Variants in EPB41L1 observed in about 807,000 individuals in gnomAD.
EPB41L1 encodes the protein erythrocyte membrane protein band 4.1 like 1.
EPB41L1 carries 29 observed loss-of-function variants against 97.8 expected under a neutral mutation model. That is an observed-to-expected ratio of 0.30 (90% CI 0.22 to 0.40). The LOEUF is 0.40. Ranked by LOEUF, EPB41L1 falls within the 10% of genes least tolerant of loss-of-function variation. EPB41L1 has a pLI of 1.00. For synonymous variants in EPB41L1, 383 were observed against 459.2 expected (o/e 0.83, Z 2.12); for missense variants, 812 against 1,162.3 (o/e 0.70, Z 4.38).
chr20:36,177,750 A>G (rs1288462199), intron 3 of EPB41L1, among the ~76,000 whole-genome samples: 1 of 152,220 alleles, frequency 6.6e-6, no homozygotes, highest in Non-Finnish European at 1.5e-5. Context: ...GAAGGCCATC[A>G]AGGAGCTGGC....
intron 1 of EPB41L1, among the ~76,000 whole-genome samples, chr20:36,111,785 T>C (rs2058411500): frequency 1.4e-5 from 1 of 73,962 alleles, no homozygotes; most frequent in African/African-American, 1.2e-4. Flanking sequence ...AGACTCTGTC[T>C]CAAAAAAAAA....
chr20:36,209,117 G>C lies in EPB41L1; in HGVS notation c.1669-371G>C, dbSNP rs1426738234. Among the ~76,000 whole-genome samples, 1 of 152,084 alleles carries C rather than the reference G, an allele frequency of 6.6e-6. No homozygotes were observed. Among genetic ancestry groups the C allele is most frequent in the East Asian group, 1.9e-4 (1 of 5,192 alleles). On this transcript the variant is annotated intron_variant, in intron 14 of 21. Coordinates refer to ENST00000338074, the MANE Select transcript of EPB41L1 (RefSeq NM_012156.2). The surrounding 1 kb of genome is among the most constrained non-coding windows in gnomAD (Gnocchi z 4.2). Reference sequence around the variant, plus strand: ...TTCTCAACGCCCACCTGCACGGATGGGCCTGGGGTCCGGGCTTCCATCCCT... The same window carrying C: ...TTCTCAACGCCCACCTGCACGGATGCGCCTGGGGTCCGGGCTTCCATCCCT...
intron 14 of EPB41L1, among the ~76,000 whole-genome samples, chr20:36,200,387 A>G (rs2062432656): frequency 6.6e-6 from 1 of 152,206 alleles, no homozygotes; most frequent in South Asian, 2.1e-4. Context: ...GTCATCCAGA[A>G]TTCCTAGCAG....
At chr20:36,180,651 T>C (rs920151640) in intron 5 of EPB41L1, among the ~76,000 whole-genome samples, 194 of 152,302 alleles carry the variant, frequency 1.3e-3, no homozygotes, top group African/African-American at 4.5e-3. Context: ...CTTGGTTTCC[T>C]CCTCTGTAAA....
chr20:36,097,290 G>C (rs943794493), intron 1 of EPB41L1, among the ~76,000 whole-genome samples: 1 of 150,560 alleles, frequency 6.6e-6, no homozygotes, highest in Non-Finnish European at 1.5e-5. Flanking sequence ...ACAGTCATTC[G>C]GGGCTTGCCA....
At chr20:36,147,725 A>G (rs1180262033) in intron 2 of EPB41L1, among the ~76,000 whole-genome samples, 1 of 152,192 alleles carries the variant, frequency 6.6e-6, no homozygotes, top group Non-Finnish European at 1.5e-5. Flanking sequence ...GGCACCTGGG[A>G]CCAGGGACAC....
At chr20:36,157,826 C>T (rs750073930) in intron 1 of EPB41L1, among the ~76,000 whole-genome samples, 9 of 152,124 alleles carry the variant, frequency 5.9e-5, no homozygotes, top group African/African-American at 1.7e-4. Flanking sequence ...GGACACATCC[C>T]GAGGCCACAG....
chr20:36,180,988 A>C (rs1055697959), intron 5 of EPB41L1, among the ~76,000 whole-genome samples: 3 of 152,172 alleles, frequency 2.0e-5, no homozygotes, highest in African/African-American at 7.2e-5. Context: ...CATCTATAAA[A>C]AAGAAAGTCA....
chr20:36,130,815 C>CTCTT (rs1555836419), intron 2 of EPB41L1, among the ~76,000 whole-genome samples: 1 of 149,066 alleles, frequency 6.7e-6, no homozygotes, highest in African/African-American at 2.5e-5. Flanking sequence ...CTCTCTCTCT[C>CTCTT]TTTTTTTCCC....
Position 36,219,746 on chromosome 20 carries a change from G to T in EPB41L1, c.2356-15G>T. On this transcript the variant is annotated splice_polypyrimidine_tract_variant and intron_variant, in intron 18 of 21. Coordinates refer to ENST00000338074, the MANE Select transcript of EPB41L1 (RefSeq NM_012156.2). ...TTACCTGACACCCTGGGTGGGGGGT[G>T]GTTATATTCTGCAGATCATCGGGAA... 6.2e-7 allele frequency: 1 copy of T among 1,613,684 alleles called. No individual in the cohort carries two copies. The highest frequency in any genetic ancestry group is 8.5e-7 in the Non-Finnish European group (1 of 1,179,606).
intron 4 of EPB41L1, 142 bp from the exon 5 acceptor site, chr20:36,178,488 A>C: frequency 1.2e-6 from 1 of 852,536 alleles, no homozygotes; most frequent in Non-Finnish European, 2.0e-6. Flanking sequence ...AGTCCCAAGG[A>C]AAAGGAACCA....
At chr20:36,106,226 C>T (rs1476438774) in intron 1 of EPB41L1, among the ~76,000 whole-genome samples, 9 of 152,232 alleles carry the variant, frequency 5.9e-5, no homozygotes, top group Admixed American at 5.2e-4. Flanking sequence ...CTGTGCAGCC[C>T]ATGCCATGCC....
At chr20:36,124,206 G>A (rs2058869075) in intron 2 of EPB41L1, among the ~76,000 whole-genome samples, 1 of 152,180 alleles carries the variant, frequency 6.6e-6, no homozygotes, top group African/African-American at 2.4e-5. Flanking sequence ...AGTGAGCCGA[G>A]ATCGCGCCAC....
At chr20:36,182,175 A>G (rs191254495) in intron 5 of EPB41L1, 97 bp from the exon 6 acceptor site, 63 of 1,021,970 alleles carry the variant, frequency 6.2e-5, no homozygotes, top group Admixed American at 2.1e-4. Context: ...GAGATTATAC[A>G]TAGGAGAAAC....
chr20:36,197,558 T>C (rs1431488041), intron 13 of EPB41L1: 1 of 885,504 alleles, frequency 1.1e-6, no homozygotes, highest in Non-Finnish European at 1.4e-6. Flanking sequence ...ACCTGTGGGC[T>C]TTGGGTAGAG....
At chr20:36,178,606 G>A (rs2061347888) in intron 4 of EPB41L1, 24 bp from the exon 5 acceptor site, 1 of 1,613,326 alleles carries the variant, frequency 6.2e-7, no homozygotes, top group Non-Finnish European at 8.5e-7. Context: ...TCTTCCCTCT[G>A]AAGATCTCTA....
At chr20:36,123,433 G>T (rs563557103) in intron 2 of EPB41L1, among the ~76,000 whole-genome samples, 6 of 150,656 alleles carry the variant, frequency 4.0e-5, no homozygotes, top group African/African-American at 1.2e-4. Context: ...TTAAGTTCTG[G>T]TTTTTTTGTT....
chr20:36,200,972 C>A (rs1355134983), intron 14 of EPB41L1: 1 of 457,066 alleles, frequency 2.2e-6, no homozygotes, highest in Admixed American at 2.3e-5. Context: ...CGCAGCATCT[C>A]CTGAGGTTAC....
rs1221979502 is a variant in EPB41L1, at chr20:36,154,800, C to G, written c.-111C>G. 2 of 989,336 alleles carry G rather than the reference C, an allele frequency of 2.0e-6. No individual in the cohort carries two copies. The highest frequency in any genetic ancestry group is 2.4e-6 in the Non-Finnish European group (2 of 832,422). 61.3% of individuals were successfully genotyped at this position (989,336 alleles called of 1,614,324 possible). A position where few individuals can be genotyped will look rare whatever the true frequency, so the allele number is the denominator to read the frequency against. ...ACAGGCTGCTCCGCAGAGCCCGCCG[C>G]GACCCCGCGCCGCCCCGCCCCGCGG... is the stretch of plus-strand genomic sequence containing the variant. On this transcript the variant is annotated 5_prime_UTR_variant, in exon 1 of 22. Transcript: ENST00000338074. This position sits in a 1 kb window ranked among gnomAD's most constrained non-coding sequence, Gnocchi z 5.5.
Sources: allele counts gnomAD v4.1 joint callset (sites outside exome capture counted in the v4.1 genomes callset), GRCh38; gene constraint gnomAD v4.1.1; non-coding constraint Gnocchi (gnomAD v3.1); transcripts MANE v1.5; gene names NCBI Gene and HGNC (gene_info 2026-07-23, HGNC 2026-07-21).